PTPN14: variants seen among roughly 807,000 people sequenced by gnomAD.
The protein encoded by PTPN14 is tyrosine-protein phosphatase non-receptor type 14.
A neutral mutation model predicts 126.8 loss-of-function variants in PTPN14; 53 were observed. The observed-to-expected ratio is 0.42, with a 90% CI of 0.34 to 0.53. PTPN14 has a LOEUF of 0.53. Ranked by LOEUF, PTPN14 falls within the 20% of genes least tolerant of loss-of-function variation. The probability of loss-of-function intolerance (pLI) is 0.08; values close to 1 mark genes in which losing one functional copy is unlikely to be tolerated. For synonymous variants in PTPN14, 630 were observed against 599.3 expected, an observed-to-expected ratio of 1.05 and a Z score of -0.75; for missense variants, 1,257 against 1,552.9, an observed-to-expected ratio of 0.81 and a Z score of 3.20.
intron 1 of PTPN14, among the ~76,000 whole-genome samples, chr1:214,468,108 T>C (rs1478554684): frequency 6.6e-6 from 1 of 152,252 alleles, no homozygotes; most frequent in Non-Finnish European, 1.5e-5. Context: ...AATTAGATGA[T>C]ATTAATGTAT....
At chr1:214,433,124 T>G (rs975218370) in intron 3 of PTPN14, among the ~76,000 whole-genome samples, 1 of 152,034 alleles carries the variant, frequency 6.6e-6, no homozygotes, top group African/African-American at 2.4e-5. Flanking sequence ...AGGATGGTCT[T>G]CATCTCCTGA....
chr1:214,536,360 A>C (rs1262156682), intron 1 of PTPN14, among the ~76,000 whole-genome samples: 1 of 152,102 alleles, frequency 6.6e-6, no homozygotes, highest in Non-Finnish European at 1.5e-5. Context: ...GTGAGCTATA[A>C]TCACACCACT....
At chr1:214,411,552 C>A in intron 5 of PTPN14, 132 bp downstream of exon 5, 1 of 573,078 alleles carries the variant, frequency 1.7e-6, no homozygotes, top group South Asian at 3.0e-5. Flanking sequence ...ATAAAACTTG[C>A]CCCTACTTTA....
At chr1:214,393,415 T>A (rs1658803702) in intron 10 of PTPN14, among the ~76,000 whole-genome samples, 1 of 152,188 alleles carries the variant, frequency 6.6e-6, no homozygotes, top group South Asian at 2.1e-4. Context: ...TCCAAACTTC[T>A]AGCAGAGGGT....
chr1:214,443,987 A>C (rs766538125), intron 3 of PTPN14, among the ~76,000 whole-genome samples: 2 of 152,208 alleles, frequency 1.3e-5, no homozygotes, highest in Non-Finnish European at 2.9e-5. Flanking sequence ...GGTGGGAGTG[A>C]GAGTGGGAGG....
At chr1:214,390,909 C>A in intron 11 of PTPN14, 79 bp downstream of exon 11, 1 of 1,230,818 alleles carries the variant, frequency 8.1e-7, no homozygotes, top group Non-Finnish European at 1.1e-6. Context: ...ATGATGCCCT[C>A]ATCATCCCCC....
intron 1 of PTPN14, among the ~76,000 whole-genome samples, chr1:214,465,884 T>TTTTAAC (rs149503990): frequency 0.83 from 120,786 of 146,324 alleles, 50,016 homozygotes; most frequent in African/African-American, 0.89. Flanking sequence ...ATGTCTTATG[T>TTTTAAC]TTTATTATTT....
At chr1:214,372,330 C>T (rs1658238293) in intron 16 of PTPN14, 1 of 266,858 alleles carries the variant, frequency 3.7e-6, no homozygotes, top group South Asian at 3.8e-5. Context: ...GTCGATTTGC[C>T]CAGAGCAGCC....
At chr1:214,545,116 TA>T (rs1220188934) in intron 1 of PTPN14, among the ~76,000 whole-genome samples, 1 of 152,102 alleles carries the variant, frequency 6.6e-6, no homozygotes, top group Non-Finnish European at 1.5e-5. Context: ...ATCCATATCA[TA>T]AGGGGAAAAA....
chr1:214,387,980 CA>C (rs1302876971), intron 11 of PTPN14, among the ~76,000 whole-genome samples: 3 of 152,144 alleles, frequency 2.0e-5, no homozygotes, highest in African/African-American at 7.2e-5. Context: ...ACCAAGTGTG[CA>C]AAGGGCCCTG....
chr1:214,509,930 T>C (rs181970777), intron 1 of PTPN14, among the ~76,000 whole-genome samples: 4 of 152,286 alleles, frequency 2.6e-5, no homozygotes, highest in Admixed American at 1.3e-4. Context: ...TAGGTGGGAA[T>C]TGAACAATGT....
In PTPN14 at chr1:214,430,247, C is replaced by T. The variant is rs369518774; in HGVS notation, c.345-15521G>A. ...AGCCCTTGATACTGATGGGAGCTAC[C>T]GCTTTAGGTATTTGGGAGAGATAAC... is the stretch of plus-strand genomic sequence containing the variant. On this transcript the variant is annotated intron_variant, in intron 3 of 18. Transcript: ENST00000366956. Among the ~76,000 whole-genome samples, 9 of 152,188 alleles carry T rather than the reference C, an allele frequency of 5.9e-5. No individual in the cohort carries two copies. In the South Asian group the frequency reaches 1.2e-3, roughly 21 times the overall value.
At chr1:214,395,961 C>T (rs368985641) in intron 8 of PTPN14, among the ~76,000 whole-genome samples, 4 of 152,118 alleles carry the variant, frequency 2.6e-5, no homozygotes, top group South Asian at 4.2e-4. Context: ...AGTCCCCTAC[C>T]GGTCACCACA....
At chr1:214,488,873 C>T (rs762906105) in intron 1 of PTPN14, among the ~76,000 whole-genome samples, 9 of 152,238 alleles carry the variant, frequency 5.9e-5, no homozygotes, top group Non-Finnish European at 1.2e-4. Flanking sequence ...TCAGAAAAGG[C>T]TCTTGACCTC....
Position 214,464,772 on chromosome 1 carries a change from C to T in PTPN14, c.32G>A (p.Arg11Gln). 1.2e-6 allele frequency: 2 copies of T among 1,614,292 alleles called. No individual in the cohort carries two copies. The highest frequency in any genetic ancestry group is 1.7e-6 in the Non-Finnish European group (2 of 1,180,052). Reference sequence around the variant, plus strand: ...GTTCTTGCTCAGGACGTTGTAGCGCCGTGTCCGGCGGAGCTTCAGACCAAA... The same window carrying T: ...GTTCTTGCTCAGGACGTTGTAGCGCTGTGTCCGGCGGAGCTTCAGACCAAA... MPFGLKLRRT[R>Q]RYNVLSKNCF... is the part of the protein sequence containing the mutation. Residue 11 changes from arginine (R) to glutamine (Q), a missense_variant, in exon 2 of 19, where the codon CGG becomes CAG. Around this residue, in one of 3 missense-constraint regions of PTPN14, gnomAD observed 1,021 missense variants for 1,183.3 expected, o/e 0.86. Coordinates refer to ENST00000366956, the MANE Select transcript of PTPN14 (RefSeq NM_005401.5).
intron 3 of PTPN14, among the ~76,000 whole-genome samples, chr1:214,433,962 A>ACGC (rs1659855003): frequency 7.4e-6 from 1 of 134,700 alleles, no homozygotes; most frequent in East Asian, 2.2e-4. Context: ...AAAAAAAAAA[A>ACGC]AAAAAAAAAA....
At chr1:214,485,832 T>A (rs1030991029) in intron 1 of PTPN14, among the ~76,000 whole-genome samples, 16 of 152,134 alleles carry the variant, frequency 1.1e-4, no homozygotes, top group Middle Eastern at 3.4e-3. Flanking sequence ...TTCACGCCAT[T>A]CTCCTACCTC....
chr1:214,402,587 T>C (rs1659049519), intron 6 of PTPN14, among the ~76,000 whole-genome samples: 1 of 144,860 alleles, frequency 6.9e-6, no homozygotes, highest in African/African-American at 2.6e-5. Flanking sequence ...ACTTTAGGTC[T>C]TCACTCTCTC....
chr1:214,478,043 A>G (rs528854577), intron 1 of PTPN14, among the ~76,000 whole-genome samples: 1 of 152,294 alleles, frequency 6.6e-6, no homozygotes, highest in East Asian at 1.9e-4. Flanking sequence ...GAAACCAACA[A>G]AGTTTTATAT....
Sources: gnomAD v4.1 joint callset for allele counts (sites outside exome capture counted in the v4.1 genomes callset) on GRCh38, gnomAD v4.1.1 for gene constraint, gnomAD v4.1.1 regional missense constraint, MANE v1.5 for transcripts, NCBI Gene and HGNC (gene_info 2026-07-23, HGNC 2026-07-21) for gene names.